Variants in YARS1 observed in about 807,000 individuals in gnomAD.
YARS1 encodes the protein tyrosine--tRNA ligase, cytoplasmic.
YARS1 carries 36 observed loss-of-function variants against 62.2 expected under a neutral mutation model. The ratio of observed to expected loss-of-function variants is 0.58; its 90% confidence interval spans 0.44 to 0.76. YARS1 has a LOEUF of 0.76. Ranked by LOEUF, YARS1 falls within the 30% of genes least tolerant of loss-of-function variation. YARS1 has a pLI of 0.00. For missense variants in YARS1, 524 were observed against 639.8 expected (o/e 0.82, Z 1.95); for synonymous variants, 234 against 244.9 (o/e 0.96, Z 0.42).
rs945381718 is a variant in YARS1, at chr1:32,785,235, G to A, written c.906+1127C>T. Among the ~76,000 whole-genome samples, 4 of 152,148 alleles carry A rather than the reference G, an allele frequency of 2.6e-5. No individual in the cohort carries two copies. The South Asian group carries it at 8.3e-4, about 32-fold the overall frequency. ...AGCACTCTGGGAGGCCGAGGCAGGC[G>A]GATCACCTGAGGTCAGGAGTTCAAG... On this transcript the variant is annotated intron_variant, in intron 8 of 12. Coordinates refer to ENST00000373477, the MANE Select transcript of YARS1 (RefSeq NM_003680.4).
At position 32,775,613 on chromosome 1, in the gene YARS1, G is replaced by A. The variant is rs1026250916; in HGVS notation, c.*368C>T. On this transcript the variant is annotated 3_prime_UTR_variant, in exon 13 of 13. Transcript: ENST00000373477. ...CAGGTACCAGATCCCAGCTAGGGGC[G>A]CAGCTGCTTGGATAACTCCAAGAAA... 2 of 244,892 alleles carry A rather than the reference G, an allele frequency of 8.2e-6. No homozygotes were observed. The highest frequency in any genetic ancestry group is 9.2e-5 in the East Asian group (1 of 10,844). 15.2% of individuals were successfully genotyped at this position (244,892 alleles called of 1,614,324 possible).
intron 5 of YARS1, among the ~76,000 whole-genome samples, chr1:32,797,318 G>A (rs1352521088): frequency 6.6e-6 from 1 of 151,824 alleles, no homozygotes; most frequent in East Asian, 1.9e-4. Context: ...GCTGTGATGA[G>A]CCATGACCGC....
intron 3 of YARS1, among the ~76,000 whole-genome samples, chr1:32,807,912 A>G (rs886556267): frequency 6.6e-6 from 1 of 151,740 alleles, no homozygotes; most frequent in African/African-American, 2.4e-5. Context: ...ATCTATTTCC[A>G]TGTTTTTTTG....
At chr1:32,786,482 T>G (rs1438394675) in intron 7 of YARS1, 35 bp from the exon 8 acceptor site, 2 of 1,579,946 alleles carry the variant, frequency 1.3e-6, no homozygotes, top group East Asian at 4.5e-5. Flanking sequence ...ACAAACTCAT[T>G]GACAGCATTC....
Position 32,782,420 on chromosome 1 carries a change from T to C in YARS1, c.1026A>G (p.Pro342=). The part of the protein sequence containing the change: ...ALKKLASAAY[P]DPSKQKPMAK... ...TGGCCTTACTCTGCTTTGAGGGATC[T>C]GGGTAGGCAGCGCTGGCCAGTTTTT... The change falls in exon 9 of 13, where the codon CCA becomes CCG. Residue 342 remains proline (P), a synonymous_variant. Transcript: ENST00000373477. The C allele has an allele frequency of 3.7e-6, 6 of 1,614,014 alleles. No homozygotes were observed. Among genetic ancestry groups the C allele is most frequent in the South Asian group, 1.1e-5 (1 of 91,072 alleles).
At chr1:32,791,799 T>A (rs1000250595) in intron 5 of YARS1, among the ~76,000 whole-genome samples, 2 of 151,780 alleles carry the variant, frequency 1.3e-5, no homozygotes, top group Non-Finnish European at 2.9e-5. Flanking sequence ...CGAGACTCCA[T>A]CTCAAAAAAC....
At chr1:32,811,120 G>A (rs990428760) in intron 1 of YARS1, 63 bp from the exon 2 acceptor site, 5 of 1,609,212 alleles carry the variant, frequency 3.1e-6, no homozygotes, top group Non-Finnish European at 4.2e-6. Context: ...CCTTTACCAT[G>A]TGACAAGGAA....
intron 5 of YARS1, among the ~76,000 whole-genome samples, chr1:32,797,064 T>G (rs1231578595): frequency 1.0e-5 from 1 of 97,240 alleles, no homozygotes; most frequent in African/African-American, 4.1e-5. Context: ...AGCATTTCTG[T>G]ATTCATTAAC....
intron 5 of YARS1, among the ~76,000 whole-genome samples, chr1:32,792,071 G>C (rs1653428426): frequency 6.6e-6 from 1 of 152,140 alleles, no homozygotes; most frequent in Admixed American, 6.6e-5. Flanking sequence ...CTGATTTCTT[G>C]GCTGACTCAT....
At chr1:32,786,248 TAGC>T in intron 8 of YARS1, 111 bp downstream of exon 8, 2 of 1,061,944 alleles carry the variant, frequency 1.9e-6, no homozygotes, top group Admixed American at 2.0e-5. Flanking sequence ...AGAGCAAAAA[TAGC>T]AGGCAGCTCA....
At position 32,776,284 on chromosome 1, in the gene YARS1, A is replaced by G. The variant is rs999308721; in HGVS notation, c.1477-193T>C. On this transcript the variant is annotated intron_variant, in intron 12 of 12. Transcript: ENST00000373477. The surrounding 1 kb of genome is among the most constrained non-coding windows in gnomAD (Gnocchi z 4.0). ...TGCCTGAGCCTTCCGAGTAGCTGGG[A>G]CTACAGGCATGCACCACCACGCCCG... Among the ~76,000 whole-genome samples, 1 of 152,052 alleles carries G rather than the reference A, an allele frequency of 6.6e-6. No individual in the cohort carries two copies. Among genetic ancestry groups the G allele is most frequent in the African/African-American group, 2.4e-5 (1 of 41,408 alleles).
chr1:32,784,797 G>A (rs1653168183), intron 8 of YARS1, among the ~76,000 whole-genome samples: 1 of 152,100 alleles, frequency 6.6e-6, no homozygotes, highest in South Asian at 2.1e-4. Flanking sequence ...CCAATGAAAT[G>A]TTTACAAGTC....
At chr1:32,786,230 C>T (rs1653221826) in intron 8 of YARS1, 132 bp downstream of exon 8, 1 of 924,648 alleles carries the variant, frequency 1.1e-6, no homozygotes, top group African/African-American at 1.6e-5. Flanking sequence ...AGTGAGATTA[C>T]CAAAAGTAGA....
intron 5 of YARS1, among the ~76,000 whole-genome samples, chr1:32,795,096 G>A (rs1191048424): frequency 2.0e-5 from 3 of 151,682 alleles, no homozygotes; most frequent in Non-Finnish European, 4.4e-5. Flanking sequence ...AAGGTCGGAG[G>A]ATCATGAGGT....
chr1:32,803,947 C>A (rs530965940), intron 4 of YARS1, among the ~76,000 whole-genome samples: 1 of 142,560 alleles, frequency 7.0e-6, no homozygotes, highest in African/African-American at 2.5e-5. Context: ...TGACTCTTAA[C>A]GAGCATGCTG....
intron 5 of YARS1, among the ~76,000 whole-genome samples, chr1:32,795,585 T>A (rs1367688215): frequency 1.3e-5 from 2 of 152,010 alleles, no homozygotes; most frequent in African/African-American, 4.8e-5. Flanking sequence ...GGCGGGCAGA[T>A]CATGAGGTCA....
intron 4 of YARS1, among the ~76,000 whole-genome samples, chr1:32,802,201 C>G (rs1039862814): frequency 1.3e-5 from 2 of 152,112 alleles, no homozygotes; most frequent in African/African-American, 4.8e-5. Flanking sequence ...TCCGCCTCGG[C>G]CTCCCAAAGT....
chr1:32,785,623 C>T (rs1653199712), intron 8 of YARS1, among the ~76,000 whole-genome samples: 1 of 151,572 alleles, frequency 6.6e-6, no homozygotes, highest in Admixed American at 6.6e-5. Context: ...ACTCTTGTTG[C>T]CCAGGCTGGA....
At chr1:32,780,393 C>T (rs1453669390) in intron 10 of YARS1, 115 bp from the exon 11 acceptor site, 2 of 1,200,276 alleles carry the variant, frequency 1.7e-6, no homozygotes, top group South Asian at 1.2e-5. Context: ...CCTGGAAAGA[C>T]CCCCTAGAGC....
Sources: allele counts gnomAD v4.1 joint callset (sites outside exome capture counted in the v4.1 genomes callset), GRCh38; gene constraint gnomAD v4.1.1; non-coding constraint Gnocchi (gnomAD v3.1); transcripts MANE v1.5; gene names NCBI Gene and HGNC (gene_info 2026-07-23, HGNC 2026-07-21).